Variants in ARHGAP22 observed in about 807,000 individuals in gnomAD.
ARHGAP22 encodes the protein rho GTPase-activating protein 22.
Under a neutral mutation model 59.1 loss-of-function variants are expected in ARHGAP22, and 48 were observed. The observed-to-expected ratio is 0.81, with a 90% CI of 0.64 to 1.03. The LOEUF (loss-of-function observed/expected upper bound fraction) is 1.03, where lower values mean the gene tolerates loss of function less well. Among genes scored for constraint, ARHGAP22 ranks in the 50% least tolerant of loss-of-function variants. ARHGAP22 has a pLI of 0.00. For missense variants in ARHGAP22, 1,015 were observed against 958.7 expected, an observed-to-expected ratio of 1.06 and a Z score of -0.78; for synonymous variants, 445 against 416.4, an observed-to-expected ratio of 1.07 and a Z score of -0.84.
intron 3 of ARHGAP22, among the ~76,000 whole-genome samples, chr10:48,541,542 C>T (rs1363839395): frequency 6.6e-6 from 1 of 152,182 alleles, no homozygotes; most frequent in Non-Finnish European, 1.5e-5. Context: ...GAGTCTAGAT[C>T]CATGCAGCTA....
chr10:48,527,298 T>C (rs1489239775), intron 3 of ARHGAP22, among the ~76,000 whole-genome samples: 2 of 151,786 alleles, frequency 1.3e-5, no homozygotes, highest in African/African-American at 2.4e-5. Flanking sequence ...TGTAGGTAGG[T>C]GAATAGATGG....
At chr10:48,479,244 C>A in intron 4 of ARHGAP22, 1 of 246,238 alleles carries the variant, frequency 4.1e-6, no homozygotes. Flanking sequence ...ACACCCCCGC[C>A]GTCCTCTCAC....
intron 4 of ARHGAP22, among the ~76,000 whole-genome samples, chr10:48,462,190 C>T (rs112266820): frequency 0.015 from 2,020 of 134,150 alleles, 14 homozygotes; most frequent in South Asian, 0.026. Context: ...CGCTTATAAA[C>T]GTATGTGCAT....
At chr10:48,511,771 G>C (rs974372919) in intron 3 of ARHGAP22, among the ~76,000 whole-genome samples, 3 of 152,212 alleles carry the variant, frequency 2.0e-5, no homozygotes, top group African/African-American at 7.2e-5. Flanking sequence ...CAAATCCCAG[G>C]GTGGGGTTGC....
intron 3 of ARHGAP22, among the ~76,000 whole-genome samples, chr10:48,537,697 G>A (rs1254113215): frequency 2.6e-5 from 4 of 152,164 alleles, no homozygotes; most frequent in Non-Finnish European, 5.9e-5. Flanking sequence ...TCCTCTCCTC[G>A]GTCTCTTGGA....
chr10:48,519,474 T>G (rs2053604063), intron 3 of ARHGAP22, among the ~76,000 whole-genome samples: 2 of 152,178 alleles, frequency 1.3e-5, no homozygotes, highest in South Asian at 4.1e-4. Flanking sequence ...CTGCTGGGTG[T>G]TGGGTAACCC....
At chr10:48,652,156 C>G in intron 1 of ARHGAP22, 2 of 1,375,122 alleles carry the variant, frequency 1.5e-6, no homozygotes, top group Non-Finnish European at 2.0e-6. Flanking sequence ...AAGACAGCCT[C>G]CGGGGACCCC....
chr10:48,566,069 T>A (rs953854937), intron 2 of ARHGAP22, among the ~76,000 whole-genome samples: 1 of 152,222 alleles, frequency 6.6e-6, no homozygotes, highest in Non-Finnish European at 1.5e-5. Flanking sequence ...TCAGCTCTTT[T>A]CAACATGATC....
intron 9 of ARHGAP22, among the ~76,000 whole-genome samples, chr10:48,449,969 T>C (rs1200206859): frequency 1.3e-5 from 2 of 152,234 alleles, no homozygotes; most frequent in Non-Finnish European, 2.9e-5. Flanking sequence ...ACACTGACTC[T>C]GTTTCCACCC....
chr10:48,433,571 T>C, the ARHGAP22 span, among the ~76,000 whole-genome samples: 1 of 152,210 alleles, frequency 6.6e-6, no homozygotes, highest in Non-Finnish European at 1.5e-5. Context: ...CCTGAAATGC[T>C]CATCCTGCTT....
At chr10:48,570,156 C>T (rs141347720) in intron 2 of ARHGAP22, among the ~76,000 whole-genome samples, 2 of 151,512 alleles carry the variant, frequency 1.3e-5, no homozygotes, top group Non-Finnish European at 2.9e-5. Flanking sequence ...CTTAAAATAA[C>T]TTGCTTGAAT....
chr10:48,562,875 A>T (rs1169278527), intron 2 of ARHGAP22, among the ~76,000 whole-genome samples: 2 of 152,222 alleles, frequency 1.3e-5, no homozygotes, highest in Admixed American at 1.3e-4. Context: ...TTGTTTCCTA[A>T]CAGATTACTA....
At chr10:48,630,390 C>T (rs1432033197) in intron 1 of ARHGAP22, among the ~76,000 whole-genome samples, 2 of 152,136 alleles carry the variant, frequency 1.3e-5, no homozygotes, top group African/African-American at 4.8e-5. Flanking sequence ...ACGCCCAGCC[C>T]AGAAATGACA....
chr10:48,484,462 T>TA (rs959470111), intron 3 of ARHGAP22, among the ~76,000 whole-genome samples: 20 of 152,368 alleles, frequency 1.3e-4, no homozygotes, highest in African/African-American at 4.3e-4. Context: ...TTCCTTTACT[T>TA]ACAGTGTCTT....
intron 3 of ARHGAP22, among the ~76,000 whole-genome samples, chr10:48,553,119 G>T (rs1369330200): frequency 6.6e-6 from 1 of 152,238 alleles, no homozygotes; most frequent in Admixed American, 6.5e-5. Context: ...CCAGTGGGAG[G>T]GGAGCAGAGG....
chr10:48,522,546 T>C (rs970202138), intron 3 of ARHGAP22, among the ~76,000 whole-genome samples: 1 of 152,230 alleles, frequency 6.6e-6, no homozygotes, highest in Admixed American at 6.5e-5. Flanking sequence ...CCATGTTTAC[T>C]GAAGAGGGGT....
the ARHGAP22 span, chr10:48,431,004 T>G: frequency 1.6e-6 from 1 of 615,456 alleles, no homozygotes; most frequent in African/African-American, 1.9e-5. Flanking sequence ...ATATGATCCA[T>G]TGTTGAGTGT....
chr10:48,590,192 C>A (rs1325328381), intron 1 of ARHGAP22, among the ~76,000 whole-genome samples: 1 of 151,832 alleles, frequency 6.6e-6, no homozygotes, highest in African/African-American at 2.4e-5. Flanking sequence ...ATGTTCCCTG[C>A]AAGCAGGAGA....
intron 3 of ARHGAP22, among the ~76,000 whole-genome samples, chr10:48,500,399 C>T (rs2051386116): frequency 6.6e-6 from 1 of 152,060 alleles, no homozygotes; most frequent in African/African-American, 2.4e-5. Context: ...GTAATTAAAA[C>T]AGCACTGGGT....
Sources: allele counts gnomAD v4.1 joint callset (sites outside exome capture counted in the v4.1 genomes callset), GRCh38; gene constraint gnomAD v4.1.1; transcripts MANE v1.5; gene names NCBI Gene and HGNC (gene_info 2026-07-23, HGNC 2026-07-21).